CDH4: variants seen among roughly 807,000 people sequenced by gnomAD.
CDH4 encodes cadherin 4, also known as cadherin-4.
A neutral mutation model predicts 86.0 loss-of-function variants in CDH4; 33 were observed. The observed-to-expected ratio is 0.38, with a 90% CI of 0.29 to 0.51. The LOEUF is 0.51. Among genes scored for constraint, CDH4 ranks in the 20% least tolerant of loss-of-function variants. CDH4 has a pLI of 0.86. For missense variants in CDH4, 1,114 were observed against 1,307.4 expected (o/e 0.85, Z 2.28); for synonymous variants, 555 against 549.4 (o/e 1.01, Z -0.14).
rs148280160 is a variant in CDH4 at position 61,928,360 on chromosome 20, G to A, written c.1942G>A (p.Val648Ile). ...ADVDPNIGPYVFELPFVPAAV... is the reference protein window; with the variant it reads ...ADVDPNIGPYIFELPFVPAAV... The stretch of plus-strand genomic sequence containing the variant: ...CGTCGACCCCAACATCGGCCCCTAC[G>A]TCTTCGAGCTGCCCTTTGTCCCGGC... Residue 648 changes from valine to isoleucine, a missense_variant, in exon 12 of 16, where the codon GTC becomes ATC. Coordinates refer to ENST00000614565, the MANE Select transcript of CDH4 (RefSeq NM_001794.5). 169 of 1,611,720 alleles carry A rather than the reference G, an allele frequency of 1.0e-4. No homozygotes were observed. The African/African-American group carries it at 1.1e-3, about 11-fold the overall frequency.
At chr20:61,428,323 C>G (rs6061394) in intron 2 of CDH4, among the ~76,000 whole-genome samples, 1 of 152,150 alleles carries the variant, frequency 6.6e-6, no homozygotes. Context: ...TATGCATATC[C>G]TATGCCCCAG....
At chr20:61,674,412 A>T (rs2087424800) in intron 2 of CDH4, among the ~76,000 whole-genome samples, 1 of 152,128 alleles carries the variant, frequency 6.6e-6, no homozygotes. Flanking sequence ...GAAGGCTGGG[A>T]GTGACAGGCA....
chr20:61,838,164 G>C (rs374630076), intron 4 of CDH4, among the ~76,000 whole-genome samples: 8 of 126,762 alleles, frequency 6.3e-5, no homozygotes, highest in South Asian at 2.5e-4. Flanking sequence ...CTGCCTGTCT[G>C]CCTGTCTCCC....
chr20:61,513,882 G>T (rs1348701371), intron 2 of CDH4, among the ~76,000 whole-genome samples: 1 of 152,094 alleles, frequency 6.6e-6, no homozygotes, highest in East Asian at 1.9e-4. Context: ...GAACCCATCT[G>T]GGGTCCACTT....
At chr20:61,762,899 A>T (rs1283576298) in intron 3 of CDH4, among the ~76,000 whole-genome samples, 2 of 152,246 alleles carry the variant, frequency 1.3e-5, no homozygotes, top group Admixed American at 1.3e-4. Context: ...GAGCACCTTG[A>T]CCATGGCAAC....
intron 2 of CDH4, among the ~76,000 whole-genome samples, chr20:61,730,073 C>T (rs1364863619): frequency 6.6e-6 from 1 of 152,190 alleles, no homozygotes; most frequent in African/African-American, 2.4e-5. Context: ...CCAGCTTCCC[C>T]TGTTGTTAAC....
intron 2 of CDH4, among the ~76,000 whole-genome samples, chr20:61,410,051 A>G (rs529655104): frequency 6.6e-6 from 1 of 152,350 alleles, no homozygotes; most frequent in South Asian, 2.1e-4. Context: ...ATCTGAACCA[A>G]CCAGTCTGAA....
rs2084876876 is a variant in CDH4 at position 61,377,136 on chromosome 20, A to T, written c.169+122199A>T. ...ACTGGGGATTTGGAAGGGACAGCCA[A>T]GTGACATATTCTGCAAGCAGGGCTC... On this transcript the variant is annotated intron_variant, in intron 2 of 15. Coordinates refer to ENST00000614565, the MANE Select transcript of CDH4 (RefSeq NM_001794.5). The surrounding 1 kb of genome is among the most constrained non-coding windows in gnomAD (Gnocchi z 4.0). Among the ~76,000 whole-genome samples, 1 of 152,140 alleles carries T rather than the reference A, an allele frequency of 6.6e-6. No homozygotes were observed. The highest frequency in any genetic ancestry group is 1.5e-5 in the Non-Finnish European group (1 of 68,026).
rs150616584 is a variant in CDH4, at chr20:61,377,450, C to T, written c.169+122513C>T. On this transcript the variant is annotated intron_variant, in intron 2 of 15. Coordinates refer to ENST00000614565, the MANE Select transcript of CDH4 (RefSeq NM_001794.5). The surrounding 1 kb of genome is among the most constrained non-coding windows in gnomAD (Gnocchi z 4.0). ...TCATCCTCTCTCCACCTCCCTGGTG[C>T]CTTTCCTGAGTGTAAAACCCTCCAG... is the stretch of plus-strand genomic sequence containing the variant. Among the ~76,000 whole-genome samples, 99 of 152,318 alleles carry T rather than the reference C, an allele frequency of 6.5e-4. No homozygotes were observed. In the East Asian group the frequency reaches 0.018, roughly 27 times the overall value.
chr20:61,874,305 C>T (rs151000423), intron 7 of CDH4, among the ~76,000 whole-genome samples: 5 of 152,238 alleles, frequency 3.3e-5, no homozygotes, highest in Non-Finnish European at 7.4e-5. Context: ...AGGAGACCCA[C>T]CCCACCCAGG....
At chr20:61,297,370 C>T (rs2084361478) in intron 2 of CDH4, among the ~76,000 whole-genome samples, 1 of 152,138 alleles carries the variant, frequency 6.6e-6, no homozygotes, top group Non-Finnish European at 1.5e-5. Context: ...GCCTGGACGA[C>T]AAGAGCGAAA....
intron 8 of CDH4, among the ~76,000 whole-genome samples, chr20:61,898,594 C>T (rs1985239738): frequency 6.6e-6 from 1 of 152,196 alleles, no homozygotes. Flanking sequence ...GCCACCCCCA[C>T]CCCATCCACA....
intron 2 of CDH4, among the ~76,000 whole-genome samples, chr20:61,734,853 T>C (rs533897913): frequency 6.6e-6 from 1 of 152,346 alleles, no homozygotes; most frequent in Non-Finnish European, 1.5e-5. Context: ...CGAATCAACC[T>C]GGGCAGATAT....
rs1445350364 is a variant in CDH4, at chr20:61,653,677, C to T, written c.170-89886C>T. Among the ~76,000 whole-genome samples, 9 of 107,670 alleles carry T rather than the reference C, an allele frequency of 8.4e-5. 2 individuals are homozygous for T. Among genetic ancestry groups the T allele is most frequent in the South Asian group, 2.8e-4 (1 of 3,570 alleles). 70.6% of individuals were successfully genotyped at this position (107,670 alleles called of 152,430 possible). Reference sequence around the variant, plus strand: ...CTCCTCACTTCTCAGACAGGGCGGCCGGGCAGAGACGCTCCTCACCTCCCA... The same window carrying T: ...CTCCTCACTTCTCAGACAGGGCGGCTGGGCAGAGACGCTCCTCACCTCCCA... On this transcript the variant is annotated intron_variant, in intron 2 of 15. Coordinates refer to ENST00000614565, the MANE Select transcript of CDH4 (RefSeq NM_001794.5).
intron 2 of CDH4, among the ~76,000 whole-genome samples, chr20:61,491,299 T>C (rs1053441500): frequency 5.9e-5 from 9 of 152,162 alleles, no homozygotes; most frequent in African/African-American, 2.2e-4. Context: ...GGTTACTTGG[T>C]TGGGCTGTAA....
chr20:61,525,059 G>T (rs1201827405), intron 2 of CDH4, among the ~76,000 whole-genome samples: 1 of 152,178 alleles, frequency 6.6e-6, no homozygotes, highest in African/African-American at 2.4e-5. Context: ...ATGCGGGGCG[G>T]GTCATCTTCT....
intron 2 of CDH4, among the ~76,000 whole-genome samples, chr20:61,683,470 AGG>A (rs2087541153): frequency 1.3e-5 from 2 of 152,158 alleles, no homozygotes; most frequent in African/African-American, 4.8e-5. Context: ...CGAGTCGTGG[AGG>A]CCCGTGGGCA....
At position 61,379,744 on chromosome 20, in the gene CDH4, C is replaced by T. The variant is rs113673363; in HGVS notation, c.169+124807C>T. The stretch of plus-strand genomic sequence containing the variant: ...GCCAGGACATTCTTTCCTGTTCCCA[C>T]GGTTTAACCAACTCTACCCAAGGCT... On this transcript the variant is annotated intron_variant, in intron 2 of 15. Transcript: ENST00000614565. Among the ~76,000 whole-genome samples the T allele has an allele frequency of 3.6e-3, 541 of 152,326 alleles. 2 individuals carry two copies. The highest frequency in any genetic ancestry group is 6.2e-3 in the Non-Finnish European group (420 of 68,038).
At chr20:61,913,924 A>C (rs903692473) in intron 9 of CDH4, among the ~76,000 whole-genome samples, 20 of 152,264 alleles carry the variant, frequency 1.3e-4, no homozygotes, top group African/African-American at 4.6e-4. Flanking sequence ...CCCTTCCCCT[A>C]GCCATCAGGG....
Sources: gnomAD v4.1 joint callset for allele counts (sites outside exome capture counted in the v4.1 genomes callset) on GRCh38, gnomAD v4.1.1 for gene constraint, Gnocchi (gnomAD v3.1) non-coding constraint, MANE v1.5 for transcripts, NCBI Gene and HGNC (gene_info 2026-07-23, HGNC 2026-07-21) for gene names.